Variants in PSMB2 observed in about 807,000 individuals in gnomAD.
PSMB2 encodes proteasome subunit beta type-2.
Under a neutral mutation model 25.7 loss-of-function variants are expected in PSMB2, and 13 were observed. The observed-to-expected ratio is 0.51, with a 90% CI of 0.33 to 0.80. PSMB2 has a LOEUF of 0.80. Ranked by LOEUF, PSMB2 falls within the 30% of genes least tolerant of loss-of-function variation. The pLI is 0.02. For missense variants in PSMB2, 202 were observed against 259.0 expected (o/e 0.78, Z 1.51); for synonymous variants, 87 against 96.2 (o/e 0.90, Z 0.56).
At chr1:35,628,424 C>T (rs1650928109) in intron 3 of PSMB2, among the ~76,000 whole-genome samples, 1 of 150,884 alleles carries the variant, frequency 6.6e-6, no homozygotes, top group South Asian at 2.1e-4. Context: ...TCCGGTTCTG[C>T]CTGATAAGTC....
At chr1:35,628,649 A>AG (rs1226190654) in intron 3 of PSMB2, among the ~76,000 whole-genome samples, 3 of 16,082 alleles carry the variant, frequency 1.9e-4, no homozygotes, top group Non-Finnish European at 5.6e-4. Context: ...TTTTTTTTTT[A>AG]AAGAAAAGAC....
chr1:35,620,062 C>T (rs1384235201), intron 3 of PSMB2, among the ~76,000 whole-genome samples: 7 of 152,268 alleles, frequency 4.6e-5, no homozygotes, highest in Admixed American at 2.6e-4. Flanking sequence ...CTTTGCTACA[C>T]GCTTGCACAC....
At chr1:35,625,745 C>T (rs1650840433) in intron 3 of PSMB2, among the ~76,000 whole-genome samples, 1 of 149,632 alleles carries the variant, frequency 6.7e-6, no homozygotes, top group South Asian at 2.1e-4. Flanking sequence ...CTGGGTGACA[C>T]AGTGAGACTC....
At position 35,599,829 on chromosome 1, in the gene PSMB2, G is replaced by C. The variant is rs1360087604; in HGVS notation, c.*3438C>G. 1 of 984,988 alleles carries C rather than the reference G, an allele frequency of 1.0e-6. No individual in the cohort carries two copies. The highest frequency in any genetic ancestry group is 1.2e-6 in the Non-Finnish European group (1 of 829,684). 61.0% of individuals were successfully genotyped at this position (984,988 alleles called of 1,614,324 possible). On this transcript the variant is annotated 3_prime_UTR_variant, in exon 6 of 6. Coordinates refer to ENST00000373237, the MANE Select transcript of PSMB2 (RefSeq NM_002794.5). ...GATAGGGGGTGAACCAGAGTAATGG[G>C]GATGGAGATTTATAAAGATTAGGCT...
chr1:35,610,440 G>A (rs183762267), intron 3 of PSMB2, among the ~76,000 whole-genome samples: 1 of 152,142 alleles, frequency 6.6e-6, no homozygotes, highest in Non-Finnish European at 1.5e-5. Context: ...GAGAAAGAGA[G>A]AGAAAAGAAA....
chr1:35,629,045 T>C (rs1260191567), intron 3 of PSMB2, among the ~76,000 whole-genome samples: 1 of 152,212 alleles, frequency 6.6e-6, no homozygotes, highest in Non-Finnish European at 1.5e-5. Context: ...CTGTGTGACC[T>C]GGAGCTAGTC....
At chr1:35,633,175 T>A (rs1431090914) in intron 2 of PSMB2, among the ~76,000 whole-genome samples, 1 of 149,646 alleles carries the variant, frequency 6.7e-6, no homozygotes, top group East Asian at 2.0e-4. Context: ...GGGCTGAGAC[T>A]GCACCACTGC....
At position 35,603,238 on chromosome 1, in the gene PSMB2, C is replaced by T. The variant is rs182656039; in HGVS notation, c.*29G>A. 7 of 1,598,242 alleles carry T rather than the reference C, an allele frequency of 4.4e-6. No individual in the cohort carries two copies. The Admixed American group carries it at 9.1e-5, about 21-fold the overall frequency. On this transcript the variant is annotated 3_prime_UTR_variant, in exon 6 of 6. Transcript: ENST00000373237. ...TAAAGGAGCCCATCAAAAAAAAGTT[C>T]CCTGGCAAGTGGGAGGGAGGACATG...
At chr1:35,616,257 T>C (rs1650488343) in intron 3 of PSMB2, among the ~76,000 whole-genome samples, 1 of 152,206 alleles carries the variant, frequency 6.6e-6, no homozygotes, top group South Asian at 2.1e-4. Flanking sequence ...AAATGGAAAT[T>C]AGTGTAAAAA....
intron 2 of PSMB2, among the ~76,000 whole-genome samples, chr1:35,633,958 G>A (rs982242847): frequency 3.0e-4 from 45 of 152,188 alleles, no homozygotes; most frequent in Non-Finnish European, 5.9e-5. Context: ...AGTGTATAAC[G>A]TTGTTATTGA....
chr1:35,603,402 C>A, intron 5 of PSMB2, 28 bp from the exon 6 acceptor site: 2 of 1,612,080 alleles, frequency 1.2e-6, no homozygotes, highest in South Asian at 2.2e-5. Context: ...GGAAATCAGT[C>A]AACAAATGAT....
intron 3 of PSMB2, among the ~76,000 whole-genome samples, chr1:35,610,014 C>T (rs1276530652): frequency 6.6e-6 from 1 of 152,170 alleles, no homozygotes; most frequent in African/African-American, 2.4e-5. Context: ...TTGAAACCAA[C>T]GAACAATTCT....
chr1:35,606,074 T>G (rs1299125038), intron 4 of PSMB2, among the ~76,000 whole-genome samples: 1 of 152,200 alleles, frequency 6.6e-6, no homozygotes, highest in Non-Finnish European at 1.5e-5. Flanking sequence ...CTGTGCTTCA[T>G]CTATAGTCTG....
At chr1:35,640,091 T>TATACTATACC (rs1651353454) in intron 1 of PSMB2, among the ~76,000 whole-genome samples, 1 of 151,944 alleles carries the variant, frequency 6.6e-6, no homozygotes, top group Non-Finnish European at 1.5e-5. Flanking sequence ...TATACTATAC[T>TATACTATACC]ATACTATACT....
intron 4 of PSMB2, among the ~76,000 whole-genome samples, chr1:35,608,393 G>A (rs1650234974): frequency 6.6e-6 from 1 of 151,792 alleles, no homozygotes; most frequent in Admixed American, 6.6e-5. Context: ...GAAAATTATG[G>A]ATAGACAGAG....
At chr1:35,628,627 A>ATTTTTTTT (rs1250841351) in intron 3 of PSMB2, among the ~76,000 whole-genome samples, 2 of 42,952 alleles carry the variant, frequency 4.7e-5, no homozygotes, top group East Asian at 5.9e-3. Flanking sequence ...ATATATATAT[A>ATTTTTTTT]TATATTTTTT....
intron 4 of PSMB2, among the ~76,000 whole-genome samples, chr1:35,608,644 C>A (rs1003220282): frequency 6.6e-6 from 1 of 151,946 alleles, no homozygotes; most frequent in Non-Finnish European, 1.5e-5. Flanking sequence ...AAAAAGCATC[C>A]CTGTATCTGA....
chr1:35,619,425 T>C (rs1206197000), intron 3 of PSMB2, among the ~76,000 whole-genome samples: 1 of 152,190 alleles, frequency 6.6e-6, no homozygotes, highest in Non-Finnish European at 1.5e-5. Flanking sequence ...CACCTTACAG[T>C]TGTGTTACTT....
intron 5 of PSMB2, among the ~76,000 whole-genome samples, chr1:35,604,146 T>C (rs1489829070): frequency 1.3e-5 from 2 of 152,106 alleles, no homozygotes; most frequent in African/African-American, 2.4e-5. Flanking sequence ...CCTACTCTCT[T>C]ACTAAACCAC....
Sources: allele counts gnomAD v4.1 joint callset (sites outside exome capture counted in the v4.1 genomes callset), GRCh38; gene constraint gnomAD v4.1.1; transcripts MANE v1.5; gene names NCBI Gene and HGNC (gene_info 2026-07-23, HGNC 2026-07-21).